KDM4C: variants seen among roughly 807,000 people sequenced by gnomAD.
KDM4C encodes the protein lysine demethylase 4C.
Under a neutral mutation model 129.3 loss-of-function variants are expected in KDM4C, and 81 were observed. The observed-to-expected ratio is 0.63, with a 90% CI of 0.52 to 0.75. KDM4C has a LOEUF of 0.75. Ranked by LOEUF, KDM4C falls within the 30% of genes least tolerant of loss-of-function variation. KDM4C has a pLI of 0.00. For missense variants in KDM4C, 1,457 were observed against 1,304.0 expected, an observed-to-expected ratio of 1.12 and a Z score of -1.81; for synonymous variants, 573 against 456.1, an observed-to-expected ratio of 1.26 and a Z score of -3.26.
chr9:7,174,557 C>T lies in KDM4C; in HGVS notation c.2999C>T (p.Thr1000Ile). 2 of 1,614,052 alleles carry T rather than the reference C, an allele frequency of 1.2e-6. No homozygotes were observed. Among genetic ancestry groups the T allele is most frequent in the Non-Finnish European group, 1.7e-6 (2 of 1,179,896 alleles). ...TATAACACCAGCTGCTTTTAGTCCA[C>T]AGCCTCTGACATGCGATTTGAAGAC... is the stretch of plus-strand genomic sequence containing the variant. Reference protein sequence around the residue: ...LPKRVKARFSTASDMRFEDTF... With the variant: ...LPKRVKARFSIASDMRFEDTF... The change falls in exon 22 of 22, where the codon ACA becomes ATA. Residue 1000 changes from threonine to isoleucine, a missense_variant. By Grantham distance (89) the Thr-to-Ile change is moderately conservative (BLOSUM62 -1). Transcript: ENST00000381309.
chr9:7,039,990 T>C (rs1419102289), intron 15 of KDM4C, among the ~76,000 whole-genome samples: 1 of 152,138 alleles, frequency 6.6e-6, no homozygotes, highest in Non-Finnish European at 1.5e-5. Context: ...TTGTGTTTTA[T>C]TGAGTTTTGA....
intron 8 of KDM4C, among the ~76,000 whole-genome samples, chr9:6,944,761 ATTG>A (rs1826627214): frequency 7.1e-6 from 1 of 140,738 alleles, no homozygotes. Flanking sequence ...TTGCTTAGGT[ATTG>A]TTAGGGGAAG....
At chr9:6,873,408 T>G (rs926475788) in intron 5 of KDM4C, among the ~76,000 whole-genome samples, 3 of 152,232 alleles carry the variant, frequency 2.0e-5, no homozygotes, top group Non-Finnish European at 4.4e-5. Flanking sequence ...GAAAATCTGT[T>G]GTTTAATGTA....
In KDM4C at chr9:6,860,118, A is replaced by G. The variant is rs529546698; in HGVS notation, c.629+10418A>G. Among the ~76,000 whole-genome samples, 19 of 152,316 alleles carry G rather than the reference A, an allele frequency of 1.2e-4. No homozygotes were observed. The South Asian group carries it at 3.9e-3, about 32-fold the overall frequency. Reference sequence around the variant, plus strand: ...CGTGCTCCTCATTTTGGGGGGCCAGACTGTGGCATAAGAAAGATTTTCAGA... The same window carrying G: ...CGTGCTCCTCATTTTGGGGGGCCAGGCTGTGGCATAAGAAAGATTTTCAGA... On this transcript the variant is annotated intron_variant, in intron 5 of 21. Coordinates refer to ENST00000381309, the MANE Select transcript of KDM4C (RefSeq NM_015061.6).
intron 19 of KDM4C, among the ~76,000 whole-genome samples, chr9:7,154,214 G>A (rs771180970): frequency 6.6e-6 from 1 of 152,204 alleles, no homozygotes; most frequent in Non-Finnish European, 1.5e-5. Context: ...TACTTACGTG[G>A]CTGTCTGTCA....
At chr9:6,998,614 C>T (rs754753624) in intron 12 of KDM4C, among the ~76,000 whole-genome samples, 9 of 152,016 alleles carry the variant, frequency 5.9e-5, no homozygotes, top group East Asian at 3.9e-4. Flanking sequence ...TGGTTAACAT[C>T]GCAAAACCCT....
intron 15 of KDM4C, among the ~76,000 whole-genome samples, chr9:7,035,236 A>C (rs1359707770): frequency 6.9e-6 from 1 of 144,174 alleles, no homozygotes; most frequent in South Asian, 2.2e-4. Context: ...CTGGTCTTGA[A>C]CTCTTGGGCT....
intron 1 of KDM4C, among the ~76,000 whole-genome samples, chr9:6,771,088 T>C (rs1821742337): frequency 1.5e-5 from 2 of 129,252 alleles, no homozygotes; most frequent in Admixed American, 1.5e-4. Flanking sequence ...ATCTTTTTTT[T>C]TTTTTTTTTT....
intron 6 of KDM4C, among the ~76,000 whole-genome samples, chr9:6,885,242 T>A (rs964325169): frequency 6.6e-6 from 1 of 152,246 alleles, no homozygotes; most frequent in African/African-American, 2.4e-5. Context: ...TTACCTTTTC[T>A]AAAGTGTCAT....
intron 15 of KDM4C, among the ~76,000 whole-genome samples, chr9:7,018,627 A>G (rs1452146317): frequency 6.6e-6 from 1 of 152,192 alleles, no homozygotes; most frequent in African/African-American, 2.4e-5. Context: ...TGTTCCATCC[A>G]CAGTTACTGC....
chr9:6,778,870 T>A (rs1252141142), intron 1 of KDM4C, among the ~76,000 whole-genome samples: 1 of 149,302 alleles, frequency 6.7e-6, no homozygotes, highest in Non-Finnish European at 1.5e-5. Flanking sequence ...CAGACTGGAG[T>A]GCAAGTGGCC....
intron 3 of KDM4C, among the ~76,000 whole-genome samples, chr9:6,813,289 G>C (rs1285448193): frequency 1.3e-5 from 2 of 152,074 alleles, no homozygotes; most frequent in Non-Finnish European, 2.9e-5. Context: ...TCCTGCTTTG[G>C]GCTCCCAAAA....
chr9:7,028,030 G>C (rs1826084213), intron 15 of KDM4C, among the ~76,000 whole-genome samples: 1 of 152,142 alleles, frequency 6.6e-6, no homozygotes, highest in East Asian at 1.9e-4. Flanking sequence ...GAAATGCTAA[G>C]AGCCAAGGCC....
intron 17 of KDM4C, among the ~76,000 whole-genome samples, chr9:7,088,989 A>G (rs1835473937): frequency 1.3e-5 from 2 of 152,224 alleles, no homozygotes; most frequent in African/African-American, 2.4e-5. Flanking sequence ...AAATGAAATC[A>G]TTACTTTTTA....
chr9:6,814,480 C>G (rs909856130), intron 3 of KDM4C, 151 bp from the exon 4 acceptor site: 5 of 494,360 alleles, frequency 1.0e-5, no homozygotes, highest in Admixed American at 3.8e-5. Context: ...CTATGTAAAT[C>G]AGTTTGTATG....
chr9:6,971,027 G>C (rs377278660), intron 8 of KDM4C, among the ~76,000 whole-genome samples: 4 of 152,252 alleles, frequency 2.6e-5, no homozygotes, highest in East Asian at 3.9e-4. Flanking sequence ...ATGCACTGGT[G>C]ATGACAGCGC....
At chr9:6,746,177 G>A (rs576457125) in intron 1 of KDM4C, among the ~76,000 whole-genome samples, 1 of 151,160 alleles carries the variant, frequency 6.6e-6, no homozygotes, top group Non-Finnish European at 1.5e-5. Context: ...CTGACCTCAA[G>A]TGATCTGCCC....
intron 18 of KDM4C, among the ~76,000 whole-genome samples, chr9:7,108,149 C>T (rs1038908255): frequency 6.6e-6 from 1 of 152,110 alleles, no homozygotes; most frequent in Non-Finnish European, 1.5e-5. Flanking sequence ...TCTTGTTATT[C>T]CACCATCTGG....
chr9:7,113,947 T>A (rs1838616414), intron 18 of KDM4C, among the ~76,000 whole-genome samples: 1 of 152,118 alleles, frequency 6.6e-6, no homozygotes, highest in Non-Finnish European at 1.5e-5. Context: ...TGCTTGCCAC[T>A]TAGAACCATG....
Sources: gnomAD v4.1 joint callset for allele counts (sites outside exome capture counted in the v4.1 genomes callset) on GRCh38, gnomAD v4.1.1 for gene constraint, MANE v1.5 for transcripts, NCBI Gene and HGNC (gene_info 2026-07-23, HGNC 2026-07-21) for gene names.